The following ARHGEF18 variants were observed in gnomAD, a reference collection of about 807,000 sequenced individuals.
The protein encoded by ARHGEF18 is rho guanine nucleotide exchange factor 18.
ARHGEF18 carries 93 observed loss-of-function variants against 155.7 expected under a neutral mutation model. The observed-to-expected ratio is 0.60, with a 90% confidence interval of 0.50 to 0.71. The LOEUF is 0.71. ARHGEF18 is among the 30% of genes least tolerant of loss of function. The probability of loss-of-function intolerance (pLI) is 0.00; values close to 1 mark genes in which losing one functional copy is unlikely to be tolerated. For missense variants in ARHGEF18, 1,593 were observed against 1,816.1 expected (o/e 0.88, Z 2.23); for synonymous variants, 742 against 753.1 (o/e 0.99, Z 0.24).
At chr19:7,388,505 T>C (rs992653976) in intron 10 of ARHGEF18, among the ~76,000 whole-genome samples, 8 of 152,072 alleles carry the variant, frequency 5.3e-5, no homozygotes, top group Admixed American at 2.6e-4. Flanking sequence ...AAGTTTTTGC[T>C]CAAGTCAGGG....
At chr19:7,403,549 C>CT (rs200331404) in intron 10 of ARHGEF18, among the ~76,000 whole-genome samples, 4,038 of 129,678 alleles carry the variant, frequency 0.031, 188 homozygotes, top group African/African-American at 0.15. Context: ...TTCTTTCTTT[C>CT]TTTCTTTTTT....
intron 2 of ARHGEF18, 22 bp downstream of exon 2, chr19:7,362,927 C>T (rs761526046): frequency 2.7e-5 from 33 of 1,234,224 alleles, no homozygotes; most frequent in African/African-American, 6.2e-5. Context: ...ACTGCTGAAA[C>T]GGGCAGGAGC....
chr19:7,420,446 T>A (rs775849414), intron 10 of ARHGEF18, among the ~76,000 whole-genome samples: 1 of 152,030 alleles, frequency 6.6e-6, no homozygotes, highest in Non-Finnish European at 1.5e-5. Context: ...AGAGACGTGG[T>A]TTCATCATGT....
chr19:7,449,467 G>A (rs998668621), intron 15 of ARHGEF18, among the ~76,000 whole-genome samples: 12 of 152,026 alleles, frequency 7.9e-5, no homozygotes, highest in African/African-American at 1.5e-4. Context: ...CCAGCTACTC[G>A]GAGGCTGAGA....
chr19:7,478,386 C>G, the ARHGEF18 span: 1 of 1,606,304 alleles, frequency 6.2e-7, no homozygotes, highest in Non-Finnish European at 8.5e-7. Flanking sequence ...CCTGCAGCAC[C>G]AGAGCCCGAG....
chr19:7,447,712 G>A (rs1226091430), intron 15 of ARHGEF18, among the ~76,000 whole-genome samples: 5 of 152,064 alleles, frequency 3.3e-5, no homozygotes, highest in South Asian at 2.1e-4. Flanking sequence ...AAAATAAAGC[G>A]GGCCAGATGC....
rs1304555304 is a variant in ARHGEF18 at position 7,453,359 on chromosome 19, A to G, written c.1856-108A>G. On this transcript the variant is annotated intron_variant, in intron 16 of 28. Transcript: ENST00000668164. ...TCATAGATCCCACACGCCCATACATAGTGTGTCCACACACCTCATAGATCC... is the reference window on the plus strand; with the variant it reads ...TCATAGATCCCACACGCCCATACATGGTGTGTCCACACACCTCATAGATCC... 5 of 1,351,498 alleles carry G rather than the reference A, an allele frequency of 3.7e-6. No individual in the cohort carries two copies. The Admixed American group carries it at 1.2e-4, about 33-fold the overall frequency. The allele number at this position is 1,351,498 out of a possible 1,614,324, so 83.7% of individuals were successfully genotyped here.
At position 7,429,133 on chromosome 19, in the gene ARHGEF18, C is replaced by A. The variant is rs545484183; in HGVS notation, c.968-11211C>A. Among the ~76,000 whole-genome samples, 414 of 138,972 alleles carry A rather than the reference C, an allele frequency of 3.0e-3. 2 individuals carry two copies. The highest frequency in any genetic ancestry group is 4.8e-3 in the Non-Finnish European group (309 of 63,730). 91.2% of individuals were successfully genotyped at this position (138,972 alleles called of 152,430 possible). On this transcript the variant is annotated intron_variant, in intron 10 of 28. Transcript: ENST00000668164. ...GGGGCCGGGGGCTCTGAGGCTCCCC[C>A]CTGGTATGGCATGTCAGCGTAGTTG...
chr19:7,464,703 C>T lies in ARHGEF18; in HGVS notation c.2904+13C>T. The T allele has an allele frequency of 6.2e-7, 1 of 1,613,858 alleles. No homozygotes were observed. Among genetic ancestry groups the T allele is most frequent in the Non-Finnish European group, 8.5e-7 (1 of 1,179,922 alleles). On this transcript the variant is annotated intron_variant, in intron 23 of 28. Transcript: ENST00000668164. ...ATCGCCGCAGGTGGTACGTGGATAT[C>T]CATTTGCTCGGTACAGTCTGAGTCG...
At chr19:7,443,990 G>A (rs1410772708) in intron 13 of ARHGEF18, among the ~76,000 whole-genome samples, 1 of 152,030 alleles carries the variant, frequency 6.6e-6, no homozygotes, top group South Asian at 2.1e-4. Context: ...GGAGGCCCAG[G>A]GTTCTCTCCT....
chr19:7,373,339 A>G (rs985724761), intron 3 of ARHGEF18, among the ~76,000 whole-genome samples: 5 of 152,012 alleles, frequency 3.3e-5, no homozygotes, highest in African/African-American at 1.2e-4. Flanking sequence ...TAATTATACA[A>G]TTCATCATCA....
chr19:7,379,332 G>A (rs1359998336), intron 7 of ARHGEF18, among the ~76,000 whole-genome samples, 166 bp downstream of exon 7: 1 of 152,176 alleles, frequency 6.6e-6, no homozygotes, highest in Non-Finnish European at 1.5e-5. Context: ...GCTGAGGCAG[G>A]CAGATCACCT....
chr19:7,401,345 T>C (rs1187266290), intron 10 of ARHGEF18, among the ~76,000 whole-genome samples: 1 of 152,036 alleles, frequency 6.6e-6, no homozygotes, highest in East Asian at 1.9e-4. Flanking sequence ...GAGTGCAGTG[T>C]CACAATCATA....
intron 7 of ARHGEF18, among the ~76,000 whole-genome samples, chr19:7,380,261 G>A (rs982145652): frequency 7.9e-5 from 12 of 151,844 alleles, no homozygotes; most frequent in South Asian, 2.1e-4. Context: ...GGCGGATCAC[G>A]AGGTCAGGAG....
At chr19:7,460,638 A>G (rs2145877688) in intron 20 of ARHGEF18, among the ~76,000 whole-genome samples, 1 of 146,688 alleles carries the variant, frequency 6.8e-6, no homozygotes, top group Non-Finnish European at 1.5e-5. Context: ...ATGGAGTCAC[A>G]CCGCGCGGCC....
chr19:7,416,246 AT>A (rs755335505), intron 10 of ARHGEF18, among the ~76,000 whole-genome samples: 13 of 111,408 alleles, frequency 1.2e-4, no homozygotes, highest in South Asian at 3.1e-4. Flanking sequence ...TAAAAAAAAA[AT>A]TTTTTTTAAT....
intron 5 of ARHGEF18, 96 bp downstream of exon 5, chr19:7,376,853 C>T: frequency 1.1e-6 from 1 of 892,958 alleles, no homozygotes; most frequent in Non-Finnish European, 1.5e-6. Context: ...ATCCTTCATC[C>T]TGGAGGGTCC....
intron 1 of ARHGEF18, among the ~76,000 whole-genome samples, chr19:7,354,459 G>A (rs1969233888): frequency 6.6e-6 from 1 of 152,172 alleles, no homozygotes; most frequent in South Asian, 2.1e-4. Flanking sequence ...AGTACGTGCT[G>A]GAGGAGCTGG....
At position 7,469,029 on chromosome 19, in the gene ARHGEF18, G is replaced by A. The variant is rs1414022369; in HGVS notation, c.3685G>A (p.Ala1229Thr). The A allele has an allele frequency of 6.2e-7, 1 of 1,601,442 alleles. No homozygotes were observed. Among genetic ancestry groups the A allele is most frequent in the African/African-American group, 1.3e-5 (1 of 74,692 alleles). ...CGCCACCAACCAGTTCCAGAGGCAGGCGGCCGTGCAGCAGCAGATCCCCAC... is the reference window on the plus strand; with the variant it reads ...CGCCACCAACCAGTTCCAGAGGCAGACGGCCGTGCAGCAGCAGATCCCCAC... ...LSATNQFQRQ[A>T]AVQQQIPTKL... Residue 1229 changes from alanine (A) to threonine (T), a missense_variant, in exon 27 of 29, where the codon GCG becomes ACG. By Grantham distance (58) the Ala-to-Thr change is moderately conservative (BLOSUM62 0). Coordinates refer to ENST00000668164, the MANE Select transcript of ARHGEF18 (RefSeq NM_001367823.1).
Sources: allele counts gnomAD v4.1 joint callset (sites outside exome capture counted in the v4.1 genomes callset), GRCh38; gene constraint gnomAD v4.1.1; transcripts MANE v1.5; gene names NCBI Gene and HGNC (gene_info 2026-07-23, HGNC 2026-07-21).